Variants in ETS1 observed in about 807,000 individuals in gnomAD.
The protein encoded by ETS1 is ETS proto-oncogene 1, transcription factor, also known as protein C-ets-1.
Under a neutral mutation model 58.6 loss-of-function variants are expected in ETS1, and 15 were observed. The ratio of observed to expected loss-of-function variants is 0.26; its 90% CI spans 0.17 to 0.39. ETS1 has a LOEUF of 0.39. Ranked by LOEUF, ETS1 falls within the 10% of genes least tolerant of loss-of-function variation. ETS1 has a pLI of 1.00. For synonymous variants in ETS1, 214 were observed against 218.2 expected, an observed-to-expected ratio of 0.98 and a Z score of 0.17; for missense variants, 417 against 610.5, an observed-to-expected ratio of 0.68 and a Z score of 3.34.
intron 3 of ETS1, among the ~76,000 whole-genome samples, chr11:128,507,022 G>A (rs1863257024): frequency 6.6e-6 from 1 of 152,200 alleles, no homozygotes; most frequent in South Asian, 2.1e-4. Context: ...TGGTGGGGGA[G>A]ACAGAGGAAA....
rs915730689 is a variant in ETS1 at position 128,491,155 on chromosome 11, A to G, written c.215-579T>C. Among the ~76,000 whole-genome samples, 3 of 152,334 alleles carry G rather than the reference A, an allele frequency of 2.0e-5. No homozygotes were observed. The East Asian group carries it at 5.8e-4, about 29-fold the overall frequency. On this transcript the variant is annotated intron_variant, in intron 3 of 9. Transcript: ENST00000392668. ...CAGTCCCTGCTTATCTTTCACATTTACCGAGAATATTAATGTTACTACATA... is the reference window on the plus strand; with the variant it reads ...CAGTCCCTGCTTATCTTTCACATTTGCCGAGAATATTAATGTTACTACATA...
chr11:128,528,677 T>C (rs1201407432), intron 3 of ETS1, among the ~76,000 whole-genome samples: 1 of 152,210 alleles, frequency 6.6e-6, no homozygotes, highest in East Asian at 1.9e-4. Flanking sequence ...CCCCGTAACA[T>C]TTTTACAGAA....
intron 2 of ETS1, among the ~76,000 whole-genome samples, chr11:128,557,974 G>A (rs930454843): frequency 6.6e-5 from 10 of 152,152 alleles, no homozygotes; most frequent in African/African-American, 2.4e-4. Context: ...CTTAAGATCA[G>A]TAAAAATAAC....
At chr11:128,495,612 T>C (rs1340614637) in intron 3 of ETS1, among the ~76,000 whole-genome samples, 1 of 152,246 alleles carries the variant, frequency 6.6e-6, no homozygotes, top group Non-Finnish European at 1.5e-5. Context: ...AAAGGCTTAC[T>C]GAAATATATT....
intron 7 of ETS1, among the ~76,000 whole-genome samples, chr11:128,482,404 C>T (rs542795073): frequency 6.6e-5 from 10 of 152,278 alleles, no homozygotes; most frequent in African/African-American, 1.9e-4. Flanking sequence ...CGCACCAAGT[C>T]GATAGTATTT....
At chr11:128,560,240 G>A (rs1864383756) in intron 2 of ETS1, among the ~76,000 whole-genome samples, 1 of 152,140 alleles carries the variant, frequency 6.6e-6, no homozygotes, top group African/African-American at 2.4e-5. Context: ...AGCCTCCCAA[G>A]AACCTGGGAT....
intron 1 of ETS1, among the ~76,000 whole-genome samples, chr11:128,584,977 A>AGAAAGAAAG (rs1555092865): frequency 0.052 from 965 of 18,392 alleles, 99 homozygotes; most frequent in African/African-American, 0.083. Flanking sequence ...AAAGAAAGAA[A>AGAAAGAAAG]GAAAGAAAGA....
chr11:128,505,486 T>TC (rs1456500334), intron 3 of ETS1: 1 of 152,252 alleles, frequency 6.6e-6, no homozygotes, highest in African/African-American at 2.4e-5. Context: ...CAGATTTTTT[T>TC]CTTCTCCTTC....
intron 3 of ETS1, among the ~76,000 whole-genome samples, chr11:128,548,331 T>G (rs1482813433): frequency 7.3e-6 from 1 of 136,958 alleles, no homozygotes; most frequent in Non-Finnish European, 1.6e-5. Context: ...ATTCAATACG[T>G]TTTTTTTTTT....
chr11:128,503,429 G>T (rs1461226632), intron 3 of ETS1, among the ~76,000 whole-genome samples: 1 of 152,114 alleles, frequency 6.6e-6, no homozygotes, highest in South Asian at 2.1e-4. Context: ...AGATGCTCAG[G>T]GTCCAGACCA....
intron 7 of ETS1, among the ~76,000 whole-genome samples, chr11:128,481,646 G>A (rs1383669508): frequency 3.3e-5 from 5 of 152,188 alleles, no homozygotes; most frequent in African/African-American, 1.2e-4. Flanking sequence ...TAATTGTTCA[G>A]GGGTGGTTGA....
rs181486617 is a variant in ETS1 at position 128,463,702 on chromosome 11, C to T, written c.1124-75G>A. The stretch of plus-strand genomic sequence containing the variant: ...ACGCAGCTAATCCCCACACACGGCA[C>T]TCCCACATCCCTCTTCTCTCAGCCC... On this transcript the variant is annotated intron_variant, in intron 8 of 9. Transcript: ENST00000392668. This position sits in a 1 kb window ranked among gnomAD's most constrained non-coding sequence, Gnocchi z 4.1. 150 of 802,406 alleles carry T rather than the reference C, an allele frequency of 1.9e-4. No individual in the cohort carries two copies. The East Asian group carries it at 3.5e-3, about 19-fold the overall frequency. The allele number at this position is 802,406 out of a possible 1,614,324, so 49.7% of individuals were successfully genotyped here. A position where few individuals can be genotyped will look rare whatever the true frequency, so the allele number is the denominator to read the frequency against.
intron 2 of ETS1, among the ~76,000 whole-genome samples, chr11:128,558,488 T>C (rs1864350286): frequency 6.6e-6 from 1 of 151,774 alleles, no homozygotes; most frequent in Admixed American, 6.6e-5. Context: ...CTACTAAAAA[T>C]ACAAAAATTA....
intron 3 of ETS1, among the ~76,000 whole-genome samples, chr11:128,544,544 C>CG (rs1864104334): frequency 1.3e-5 from 2 of 151,752 alleles, no homozygotes; most frequent in Non-Finnish European, 2.9e-5. Flanking sequence ...TTTTCCAAGG[C>CG]TCTCCCTCTC....
chr11:128,488,857 G>A (rs1010542817), intron 5 of ETS1, among the ~76,000 whole-genome samples: 2 of 152,166 alleles, frequency 1.3e-5, no homozygotes, highest in Non-Finnish European at 2.9e-5. Context: ...GGTCTCAGAC[G>A]CTAAGCTTTC....
intron 5 of ETS1, among the ~76,000 whole-genome samples, chr11:128,487,400 T>C (rs1334624133): frequency 6.6e-6 from 1 of 152,196 alleles, no homozygotes; most frequent in Non-Finnish European, 1.5e-5. Context: ...GAATCCACAT[T>C]ATTATACAAA....
At chr11:128,574,578 AACAGTGAGT>A (rs1429631591) in intron 1 of ETS1, among the ~76,000 whole-genome samples, 1 of 152,176 alleles carries the variant, frequency 6.6e-6, no homozygotes, top group Admixed American at 6.5e-5. Context: ...TGTTTCCAAG[AACAGTGAGT>A]ACCTATGATG....
intron 3 of ETS1, among the ~76,000 whole-genome samples, chr11:128,521,220 C>T (rs1863658375): frequency 6.6e-6 from 1 of 152,088 alleles, no homozygotes; most frequent in African/African-American, 2.4e-5. Context: ...ACCAAAGACA[C>T]AAAGTCACAT....
chr11:128,546,776 A>G (rs1864139211), intron 3 of ETS1, among the ~76,000 whole-genome samples: 1 of 152,140 alleles, frequency 6.6e-6, no homozygotes, highest in Non-Finnish European at 1.5e-5. Flanking sequence ...CTGCACCCCT[A>G]TCCCCTTTAG....
Sources: allele counts gnomAD v4.1 joint callset (sites outside exome capture counted in the v4.1 genomes callset), GRCh38; gene constraint gnomAD v4.1.1; non-coding constraint Gnocchi (gnomAD v3.1); transcripts MANE v1.5; gene names NCBI Gene and HGNC (gene_info 2026-07-23, HGNC 2026-07-21).